Variants in TMEM35B observed in about 807,000 individuals in gnomAD.
TMEM35B encodes the protein ZMYM6 neighbor protein.
Under a neutral mutation model 8.7 loss-of-function variants are expected in TMEM35B, and 6 were observed. That is an observed-to-expected ratio of 0.69 (90% CI 0.38 to 1.36). TMEM35B has a LOEUF of 1.36. Among genes scored for constraint, TMEM35B ranks in the 40% most tolerant of loss-of-function variants. The pLI, the probability that TMEM35B is intolerant of heterozygous loss-of-function variation, is 0.02. For missense variants in TMEM35B, 176 were observed against 181.6 expected (o/e 0.97, Z 0.18); for synonymous variants, 89 against 87.0 (o/e 1.02, Z -0.13).
intron 1 of TMEM35B, 77 bp downstream of exon 1, chr1:34,985,121 G>C: frequency 8.4e-7 from 1 of 1,194,582 alleles, no homozygotes; most frequent in Middle Eastern, 2.8e-4. Context: ...GGCCTGCCGG[G>C]CCGGGGGCGA....
exon 1 of TMEM35B, chr1:34,985,335 C>A (rs1053315098): frequency 2.0e-6 from 3 of 1,500,974 alleles, no homozygotes; most frequent in Non-Finnish European, 2.7e-6. Context: ...TGGGTTGGCC[C>A]CGCCGAAAAC....
At chr1:34,983,973 A>C in intron 1 of TMEM35B, 26 bp from the exon 2 acceptor site, 1 of 1,444,476 alleles carries the variant, frequency 6.9e-7, no homozygotes, top group Non-Finnish European at 9.2e-7. Flanking sequence ...AATGCCTGTT[A>C]GCCTCATTGT....
exon 3 of TMEM35B, chr1:34,981,810 C>T: frequency 3.8e-6 from 3 of 785,118 alleles, no homozygotes; most frequent in Non-Finnish European, 5.5e-6. Flanking sequence ...AAAGAGAAAG[C>T]AGTGCCAGGT....
exon 1 of TMEM35B, chr1:34,985,332 G>A: frequency 6.7e-7 from 1 of 1,494,174 alleles, no homozygotes; most frequent in African/African-American, 1.4e-5. Context: ...CCGTGGGTTG[G>A]CCCCGCCGAA....
rs78787188 is a variant in TMEM35B, at chr1:34,983,727, C to G, written c.289+40G>C. 5,889 of 1,430,808 alleles carry G rather than the reference C, an allele frequency of 4.1e-3. 214 individuals carry two copies. In the African/African-American group the frequency reaches 0.074, roughly 18 times the overall value. 88.6% of individuals were successfully genotyped at this position (1,430,808 alleles called of 1,614,324 possible). A position where few individuals can be genotyped will look rare whatever the true frequency, so the allele number is the denominator to read the frequency against. On this transcript the variant is annotated intron_variant, in intron 2 of 2. Transcript: ENST00000373337. ...AGCCAGGTCTTTCCATAATCCTCCC[C>G]CAGAAGACCCCATTTTCTCAGGCCA...
At chr1:34,984,083 T>C in intron 1 of TMEM35B, 136 bp from the exon 2 acceptor site, 1 of 856,500 alleles carries the variant, frequency 1.2e-6, no homozygotes, top group Non-Finnish European at 1.6e-6. Flanking sequence ...GGTCCAGGGC[T>C]GAGGTCAGCC....
chr1:34,983,532 T>G (rs1640528953), intron 2 of TMEM35B, among the ~76,000 whole-genome samples: 1 of 125,944 alleles, frequency 7.9e-6, no homozygotes. Context: ...TGAGCAGAGA[T>G]AGTGCCACTG....
At position 34,982,146 on chromosome 1, in the gene TMEM35B, G is replaced by C. The variant is rs551045535; in HGVS notation, c.290-27C>G. The C allele has an allele frequency of 9.2e-5, 140 of 1,522,570 alleles. 1 individual carries two copies. In the South Asian group the frequency reaches 1.6e-3, roughly 17 times the overall value. 94.3% of individuals were successfully genotyped at this position (1,522,570 alleles called of 1,614,324 possible). ...TGGAATGGAAAGTGAGGTCCCTGAG[G>C]CTCCTTGGAAGAACCCAGGAGATCC... On this transcript the variant is annotated intron_variant, in intron 2 of 2. Coordinates refer to ENST00000373337, the Ensembl canonical transcript of TMEM35B.
chr1:34,984,444 C>G (rs1165381814), intron 1 of TMEM35B, among the ~76,000 whole-genome samples: 1 of 152,186 alleles, frequency 6.6e-6, no homozygotes, highest in Non-Finnish European at 1.5e-5. Flanking sequence ...TTTTCCTGTT[C>G]CCACTCCTCA....
intron 1 of TMEM35B, among the ~76,000 whole-genome samples, chr1:34,984,375 G>A (rs1220080800): frequency 6.6e-6 from 1 of 152,180 alleles, no homozygotes; most frequent in Non-Finnish European, 1.5e-5. Flanking sequence ...GACTCTTCTT[G>A]TCAAGGCAGG....
intron 1 of TMEM35B, 106 bp downstream of exon 1, chr1:34,985,092 G>T: frequency 1.2e-6 from 1 of 836,364 alleles, no homozygotes; most frequent in Non-Finnish European, 1.7e-6. Flanking sequence ...CTCCAGCTGA[G>T]CCTCGGAAGC....
intron 1 of TMEM35B, among the ~76,000 whole-genome samples, chr1:34,984,724 C>A (rs1640546183): frequency 6.6e-6 from 1 of 152,186 alleles, no homozygotes; most frequent in Non-Finnish European, 1.5e-5. Context: ...TAGCTTGTGT[C>A]CTGCTTCCTG....
intron 1 of TMEM35B, among the ~76,000 whole-genome samples, chr1:34,984,337 G>A (rs1640540091): frequency 6.6e-6 from 1 of 152,222 alleles, no homozygotes; most frequent in African/African-American, 2.4e-5. Flanking sequence ...ATATTTGGAG[G>A]TGAGGCAGAG....
At chr1:34,984,853 A>C (rs1185771224) in intron 1 of TMEM35B, among the ~76,000 whole-genome samples, 1 of 152,040 alleles carries the variant, frequency 6.6e-6, no homozygotes, top group African/African-American at 2.4e-5. Flanking sequence ...GCAAACGGCG[A>C]AAAGAGGGAA....
exon 3 of TMEM35B, chr1:34,981,887 T>G (rs748261843): frequency 1.9e-5 from 27 of 1,430,072 alleles, no homozygotes; most frequent in Non-Finnish European, 2.5e-5. Context: ...TGATAGACTC[T>G]GTGTTCTACC....
At chr1:34,984,188 C>T (rs1436085927) in intron 1 of TMEM35B, among the ~76,000 whole-genome samples, 1 of 152,198 alleles carries the variant, frequency 6.6e-6, no homozygotes, top group East Asian at 1.9e-4. Flanking sequence ...TCTCACTAGA[C>T]CTCTCAAGAG....
exon 3 of TMEM35B, chr1:34,982,058 G>A: frequency 6.5e-7 from 1 of 1,549,672 alleles, no homozygotes; most frequent in Middle Eastern, 1.9e-4. Context: ...ACCCCAGGCA[G>A]ACAATGGCTG....
intron 1 of TMEM35B, 26 bp downstream of exon 1, chr1:34,985,172 C>A: frequency 6.6e-7 from 1 of 1,517,928 alleles, no homozygotes. Context: ...GGGCCCGATC[C>A]CCTGCCGCCC....
In TMEM35B at chr1:34,985,243, C is replaced by CA; in HGVS notation, c.62dup (p.Leu21PhefsTer25). ...CCGAGATCTCCTCCGAGAGCTTGGC[C>CA]AACCCCACGAGCGCGAAGAAGCCGC... On this transcript the variant is annotated frameshift_variant, in exon 1 of 3. Coordinates refer to ENST00000373337, the Ensembl canonical transcript of TMEM35B. LOFTEE classifies it high-confidence loss of function. 6.5e-7 allele frequency: 1 copy of CA among 1,546,284 alleles called. No homozygotes were observed. The highest frequency in any genetic ancestry group is 8.7e-7 in the Non-Finnish European group (1 of 1,145,430).
Sources: allele counts gnomAD v4.1 joint callset (sites outside exome capture counted in the v4.1 genomes callset), GRCh38; gene constraint gnomAD v4.1.1; transcripts MANE v1.5; gene names NCBI Gene and HGNC (gene_info 2026-07-23, HGNC 2026-07-21).